The following IGSF11 variants were observed in gnomAD, a reference collection of about 807,000 sequenced individuals.
IGSF11 encodes the protein CXADR like 1.
Under a neutral mutation model 41.0 loss-of-function variants are expected in IGSF11, and 22 were observed. That is an observed-to-expected ratio of 0.54 (90% CI 0.38 to 0.77). IGSF11 has a LOEUF of 0.77. Among genes scored for constraint, IGSF11 ranks in the 30% least tolerant of loss-of-function variants. The pLI is 0.00. For missense variants in IGSF11, 444 were observed against 530.8 expected, an observed-to-expected ratio of 0.84 and a Z score of 1.61; for synonymous variants, 219 against 201.3, an observed-to-expected ratio of 1.09 and a Z score of -0.74.
chr3:119,025,497 T>C (rs1362636355), intron 1 of IGSF11, among the ~76,000 whole-genome samples: 3 of 152,126 alleles, frequency 2.0e-5, no homozygotes, highest in Non-Finnish European at 4.4e-5. Context: ...ACTTTACAGA[T>C]AACAGTTTTC....
intron 1 of IGSF11, among the ~76,000 whole-genome samples, chr3:119,123,445 C>T (rs563335456): frequency 6.6e-6 from 1 of 152,340 alleles, no homozygotes; most frequent in East Asian, 1.9e-4. Flanking sequence ...AACAAGAACT[C>T]AAGCTTGACT....
rs745958640 is a variant in IGSF11, at chr3:118,902,578, C to T, written c.1238G>A (p.Arg413Gln). The change falls in exon 7 of 7, where the codon CGA (arginine) becomes CAA (glutamine). Residue 413 changes from arginine to glutamine, a missense_variant. By Grantham distance (43) the Arg-to-Gln change is conservative. This residue lies in a region of IGSF11 where 223 missense variants were observed against 226.2 expected (regional missense o/e 0.99). Transcript: ENST00000393775. ...TACCATGACAGGTACTGCACCAATTCGTTCCAGTGTTGCGTGGCTGATGGT... is the reference window on the plus strand; with the variant it reads ...TACCATGACAGGTACTGCACCAATTTGTTCCAGTGTTGCGTGGCTGATGGT... ...SYTISHATLE[R>Q]IGAVPVMVPA... 5 of 1,613,610 alleles carry T rather than the reference C, an allele frequency of 3.1e-6. No individual in the cohort carries two copies. The South Asian group carries it at 3.3e-5, about 11-fold the overall frequency.
chr3:118,954,470 C>T (rs1346568845), intron 1 of IGSF11, among the ~76,000 whole-genome samples: 1 of 152,074 alleles, frequency 6.6e-6, no homozygotes, highest in Non-Finnish European at 1.5e-5. Context: ...CCTTGAACCC[C>T]TCAAGGTCAT....
At chr3:118,970,051 T>A (rs966041225) in intron 1 of IGSF11, among the ~76,000 whole-genome samples, 17 of 152,148 alleles carry the variant, frequency 1.1e-4, no homozygotes, top group Admixed American at 5.9e-4. Flanking sequence ...CACAGGTCCC[T>A]CTAACTAGAC....
chr3:118,936,354 A>T (rs1196794701), intron 1 of IGSF11, among the ~76,000 whole-genome samples: 1 of 151,802 alleles, frequency 6.6e-6, no homozygotes, highest in Non-Finnish European at 1.5e-5. Context: ...CAAAAATACA[A>T]AAATTAGCCA....
At chr3:118,991,029 T>A (rs1458731618) in intron 1 of IGSF11, among the ~76,000 whole-genome samples, 1 of 152,036 alleles carries the variant, frequency 6.6e-6, no homozygotes, top group East Asian at 1.9e-4. Flanking sequence ...CCCTCTCAAA[T>A]CCAATATAAA....
At chr3:118,984,935 C>A (rs1177784556) in intron 1 of IGSF11, among the ~76,000 whole-genome samples, 2 of 152,158 alleles carry the variant, frequency 1.3e-5, no homozygotes, top group African/African-American at 4.8e-5. Context: ...AAAGAAAAGG[C>A]AGGATGAGTC....
At chr3:119,009,153 A>T (rs1576631775) in intron 1 of IGSF11, among the ~76,000 whole-genome samples, 1 of 152,142 alleles carries the variant, frequency 6.6e-6, no homozygotes, top group East Asian at 1.9e-4. Context: ...TATTTCCTTC[A>T]ATGTTCACCC....
Position 118,941,137 on chromosome 3 carries a change from T to C in IGSF11, c.53-10862A>G, listed in dbSNP as rs531696613. ...CTCATCAAAATTATTGTTTTGATAATAAAACAATAATAAAACAAGGTAAGT... is the reference window on the plus strand; with the variant it reads ...CTCATCAAAATTATTGTTTTGATAACAAAACAATAATAAAACAAGGTAAGT... On this transcript the variant is annotated intron_variant, in intron 1 of 6. Transcript: ENST00000393775. Among the ~76,000 whole-genome samples, 506 of 152,060 alleles carry C rather than the reference T, an allele frequency of 3.3e-3. 6 individuals are homozygous for C. Among genetic ancestry groups the C allele is most frequent in the African/African-American group, 0.012 (478 of 41,512 alleles).
intron 1 of IGSF11, among the ~76,000 whole-genome samples, chr3:119,042,597 C>G (rs562605014): frequency 1.3e-5 from 2 of 152,150 alleles, no homozygotes; most frequent in East Asian, 1.9e-4. Context: ...TCCTACCCCC[C>G]ACAGTGGTGG....
intron 1 of IGSF11, among the ~76,000 whole-genome samples, chr3:118,955,138 CA>C (rs1213861899): frequency 6.6e-6 from 1 of 151,764 alleles, no homozygotes; most frequent in Admixed American, 6.6e-5. Context: ...TTTGCAATTG[CA>C]AAAGTATGGA....
chr3:119,037,699 C>G (rs1940968025), upstream of IGSF11, among the ~76,000 whole-genome samples: 1 of 152,166 alleles, frequency 6.6e-6, no homozygotes, highest in Admixed American at 6.5e-5. Flanking sequence ...CTCAACCCAT[C>G]AAAATGCTGG....
chr3:119,086,522 G>C (rs1223621202), intron 1 of IGSF11, among the ~76,000 whole-genome samples: 1 of 152,076 alleles, frequency 6.6e-6, no homozygotes, highest in Non-Finnish European at 1.5e-5. Flanking sequence ...TAAAGAGAAA[G>C]GTCAGGACAC....
chr3:119,015,582 A>C (rs1460450460), intron 1 of IGSF11, among the ~76,000 whole-genome samples: 1 of 152,220 alleles, frequency 6.6e-6, no homozygotes, highest in East Asian at 1.9e-4. Flanking sequence ...TTTAAGAGGC[A>C]GGAACTTGAG....
At chr3:119,036,284 CAA>C (rs967068711), upstream of IGSF11, among the ~76,000 whole-genome samples, 1 of 152,158 alleles carries the variant, frequency 6.6e-6, no homozygotes, top group African/African-American at 2.4e-5. Flanking sequence ...ATATTAATAA[CAA>C]ATTTAAATTT....
chr3:118,905,525 T>A (rs1939479267), intron 5 of IGSF11, 71 bp downstream of exon 5: 3 of 1,537,286 alleles, frequency 2.0e-6, no homozygotes, highest in Non-Finnish European at 2.7e-6. Flanking sequence ...GCAGAACCCT[T>A]CATTTTCTGG....
intron 1 of IGSF11, among the ~76,000 whole-genome samples, chr3:119,136,135 C>T (rs1055228317): frequency 1.3e-5 from 2 of 151,928 alleles, no homozygotes; most frequent in African/African-American, 2.4e-5. Flanking sequence ...ATGGGTGCAG[C>T]GAACCAACAT....
chr3:119,051,493 C>A (rs2107435980), intron 1 of IGSF11, among the ~76,000 whole-genome samples: 1 of 152,244 alleles, frequency 6.6e-6, no homozygotes, highest in East Asian at 1.9e-4. Context: ...TACTACAAGA[C>A]CTAAGAAATG....
intron 1 of IGSF11, among the ~76,000 whole-genome samples, chr3:118,939,454 T>C (rs374658444): frequency 5.3e-5 from 8 of 152,128 alleles, no homozygotes; most frequent in Admixed American, 4.6e-4. Context: ...CATATGCCTG[T>C]AGTCCCAGCT....
Sources: allele counts gnomAD v4.1 joint callset (sites outside exome capture counted in the v4.1 genomes callset), GRCh38; gene constraint gnomAD v4.1.1; regional missense constraint gnomAD v4.1.1; transcripts MANE v1.5; gene names NCBI Gene and HGNC (gene_info 2026-07-23, HGNC 2026-07-21).